RIPOR3: variants seen among roughly 807,000 people sequenced by gnomAD.
RIPOR3 encodes family with sequence similarity 65 member C.
RIPOR3 carries 95 observed loss-of-function variants against 114.3 expected under a neutral mutation model. The ratio of observed to expected loss-of-function variants is 0.83; its 90% CI spans 0.70 to 0.99. The LOEUF is 0.99. Ranked by LOEUF, RIPOR3 falls within the 50% of genes least tolerant of loss-of-function variation. RIPOR3 has a pLI of 0.00. For synonymous variants in RIPOR3, 575 were observed against 543.8 expected, an observed-to-expected ratio of 1.06 and a Z score of -0.80; for missense variants, 1,252 against 1,266.9, an observed-to-expected ratio of 0.99 and a Z score of 0.18.
Position 50,619,985 on chromosome 20 carries a change from C to A in RIPOR3, c.269+1G>T. ...AAAGGCAGCACACAGCCCAGCCTTA[C>A]TTGAGGCCTCTTTTCAATGCTTCGA... On this transcript the variant is annotated splice_donor_variant, in intron 3 of 21. Coordinates refer to ENST00000327979, the MANE Select transcript of RIPOR3 (RefSeq NM_001290268.2). LOFTEE classifies it high-confidence loss of function. The A allele has an allele frequency of 6.2e-7, 1 of 1,611,546 alleles. No homozygotes were observed. The highest frequency in any genetic ancestry group is 8.5e-7 in the Non-Finnish European group (1 of 1,177,856).
intron 1 of RIPOR3, among the ~76,000 whole-genome samples, chr20:50,645,084 C>T (rs1324475652): frequency 6.6e-6 from 1 of 152,126 alleles, no homozygotes; most frequent in African/African-American, 2.4e-5. Context: ...TCAGGCAATC[C>T]GCCTGCCTCA....
At chr20:50,650,945 A>G (rs932198429) in intron 1 of RIPOR3, among the ~76,000 whole-genome samples, 1 of 152,028 alleles carries the variant, frequency 6.6e-6, no homozygotes, top group Non-Finnish European at 1.5e-5. Context: ...ACCTAATCAG[A>G]GAGCCCTCAA....
intron 4 of RIPOR3, among the ~76,000 whole-genome samples, 164 bp downstream of exon 4, chr20:50,615,838 G>A (rs1271331954): frequency 6.6e-6 from 1 of 152,208 alleles, no homozygotes; most frequent in Admixed American, 6.5e-5. Flanking sequence ...ACTGCTGTAC[G>A]TGCCAAAGTG....
chr20:50,645,211 GGT>G (rs1347457881), intron 1 of RIPOR3, among the ~76,000 whole-genome samples: 3 of 152,158 alleles, frequency 2.0e-5, no homozygotes, highest in Admixed American at 2.0e-4. Flanking sequence ...CTTGTTCTGT[GGT>G]GTCTAAGGAT....
chr20:50,602,081 G>C lies in RIPOR3; in HGVS notation c.1650C>G (p.Asp550Glu). Residue 550 changes from aspartate (D) to glutamate (E), a missense_variant, in exon 13 of 22, where the codon GAC (aspartate) becomes GAG (glutamate). By Grantham distance (45) the Asp-to-Glu change is conservative (BLOSUM62 2). Coordinates refer to ENST00000327979, the MANE Select transcript of RIPOR3 (RefSeq NM_001290268.2). This position sits in a 1 kb window ranked among gnomAD's most constrained non-coding sequence, Gnocchi z 4.3. The part of the protein sequence containing the change: ...ELEYQVLGFR[D>E]RLKPCRARQE... Reference sequence around the variant, plus strand: ...GGCGGGGTGGCCATACCTTCAGCCGGTCCCGGAAGCCGAGGACCTGGTACT... The same window carrying C: ...GGCGGGGTGGCCATACCTTCAGCCGCTCCCGGAAGCCGAGGACCTGGTACT... 1 of 1,565,394 alleles carries C rather than the reference G, an allele frequency of 6.4e-7. No individual in the cohort carries two copies. The highest frequency in any genetic ancestry group is 8.6e-7 in the Non-Finnish European group (1 of 1,156,300).
At chr20:50,649,580 G>T (rs2085529110) in intron 1 of RIPOR3, among the ~76,000 whole-genome samples, 1 of 152,290 alleles carries the variant, frequency 6.6e-6, no homozygotes, top group African/African-American at 2.4e-5. Flanking sequence ...GGCCCAGCCT[G>T]CCTGTCCCCC....
chr20:50,655,650 C>T (rs1322476615), intron 1 of RIPOR3, among the ~76,000 whole-genome samples: 1 of 151,106 alleles, frequency 6.6e-6, no homozygotes, highest in East Asian at 1.9e-4. Context: ...TGTCTCCCTC[C>T]TGTCTCGGTT....
At chr20:50,617,682 A>C (rs1345525635) in intron 3 of RIPOR3, among the ~76,000 whole-genome samples, 1 of 145,850 alleles carries the variant, frequency 6.9e-6, no homozygotes, top group African/African-American at 2.6e-5. Flanking sequence ...CTGGAGTGCA[A>C]TAACGCGATC....
In RIPOR3 at chr20:50,608,641, G is replaced by A; in HGVS notation, c.782C>T (p.Pro261Leu). 6.2e-7 allele frequency: 1 copy of A among 1,613,996 alleles called. No individual in the cohort carries two copies. The highest frequency in any genetic ancestry group is 8.5e-7 in the Non-Finnish European group (1 of 1,179,902). ...TWDEEEKAFI[P>L]TLHENLDIKV... ...GATGTCCAGGTTCTCATGCAGCGTG[G>A]GGATGAAGGCCTTCTCCTCTTCGTC... Residue 261 changes from proline to leucine, a missense_variant, in exon 10 of 22, where the codon CCC (proline) becomes CTC (leucine). Transcript: ENST00000327979.
chr20:50,604,650 A>G lies in RIPOR3; in HGVS notation c.1081T>C (p.Tyr361His). Residue 361 changes from tyrosine to histidine, a missense_variant, in exon 12 of 22, where the codon TAC becomes CAC. Tyr to His is a moderately conservative substitution (Grantham distance 83). Coordinates refer to ENST00000327979, the MANE Select transcript of RIPOR3 (RefSeq NM_001290268.2). The stretch of plus-strand genomic sequence containing the variant: ...CCCCGGGAAGGCTCACTCACCAGGT[A>G]GTATCTCTCCCGGAAGCTGGGGGTG... ...PSTPSFRERY[Y>H]LSVLQQPTQQ... The G allele has an allele frequency of 6.2e-7, 1 of 1,607,128 alleles. No homozygotes were observed. Among genetic ancestry groups the G allele is most frequent in the Non-Finnish European group, 8.5e-7 (1 of 1,177,290 alleles).
intron 1 of RIPOR3, among the ~76,000 whole-genome samples, chr20:50,658,925 G>A (rs1251736846): frequency 6.6e-6 from 1 of 152,134 alleles, no homozygotes; most frequent in African/African-American, 2.4e-5. Flanking sequence ...AGGTAAAGGG[G>A]AAATACAATC....
intron 1 of RIPOR3, among the ~76,000 whole-genome samples, chr20:50,680,537 A>G (rs2086823235): frequency 6.6e-6 from 1 of 152,254 alleles, no homozygotes. Context: ...GCTTTATCCC[A>G]GAGAATTACC....
intron 1 of RIPOR3, among the ~76,000 whole-genome samples, chr20:50,632,656 C>T (rs1360713269): frequency 1.3e-5 from 2 of 152,234 alleles, no homozygotes; most frequent in African/African-American, 4.8e-5. Context: ...TCATCAAGTG[C>T]TCATTACTAA....
At chr20:50,687,931 A>C (rs1394818706) in intron 1 of RIPOR3, among the ~76,000 whole-genome samples, 1 of 152,096 alleles carries the variant, frequency 6.6e-6, no homozygotes, top group Non-Finnish European at 1.5e-5. Flanking sequence ...TTTTGATGTA[A>C]ATGATGTGCA....
chr20:50,644,608 T>G (rs2085326791), intron 1 of RIPOR3, among the ~76,000 whole-genome samples: 1 of 150,660 alleles, frequency 6.6e-6, no homozygotes, highest in African/African-American at 2.4e-5. Context: ...CTCAGTCTCC[T>G]GAGTAGCTGG....
At position 50,655,669 on chromosome 20, in the gene RIPOR3, CTGTGTG is replaced by C. The variant is rs11469999; in HGVS notation, c.4-24819_4-24814del. Among the ~76,000 whole-genome samples, 908 of 145,234 alleles carry C rather than the reference CTGTGTG, an allele frequency of 6.3e-3. 10 individuals are homozygous for C. The highest frequency in any genetic ancestry group is 0.02 in the African/African-American group (805 of 39,416). On this transcript the variant is annotated intron_variant, in intron 1 of 21. Coordinates refer to ENST00000327979, the MANE Select transcript of RIPOR3 (RefSeq NM_001290268.2). Reference sequence around the variant, plus strand: ...TCCCTCCTGTCTCGGTTAGCGTGGGCTGTGTGTGTGTGTGTGTGTGTGTGTGTGTGT... The same window carrying C: ...TCCCTCCTGTCTCGGTTAGCGTGGGCTGTGTGTGTGTGTGTGTGTGTGTGT...
chr20:50,640,466 C>G (rs1347045592), intron 1 of RIPOR3, among the ~76,000 whole-genome samples: 1 of 149,256 alleles, frequency 6.7e-6, no homozygotes, highest in Non-Finnish European at 1.5e-5. Context: ...AAACAAAAGA[C>G]GCCTGAGCTT....
At chr20:50,662,697 G>A (rs2086037716) in intron 1 of RIPOR3, among the ~76,000 whole-genome samples, 1 of 144,214 alleles carries the variant, frequency 6.9e-6, no homozygotes, top group Non-Finnish European at 1.5e-5. Context: ...CCCCAGGGAG[G>A]ATCCCAGTCC....
At chr20:50,662,166 C>T (rs2086020709) in intron 1 of RIPOR3, 1 of 152,326 alleles carries the variant, frequency 6.6e-6, no homozygotes, top group Non-Finnish European at 1.5e-5. Flanking sequence ...CCCAGACTAC[C>T]TGGGAGCATC....
Sources: allele counts gnomAD v4.1 joint callset (sites outside exome capture counted in the v4.1 genomes callset), GRCh38; gene constraint gnomAD v4.1.1; non-coding constraint Gnocchi (gnomAD v3.1); transcripts MANE v1.5; gene names NCBI Gene and HGNC (gene_info 2026-07-23, HGNC 2026-07-21).